The following EIF2AK4 variants were observed in gnomAD, a reference collection of about 807,000 sequenced individuals.
EIF2AK4 encodes eukaryotic translation initiation factor 2 alpha kinase 4, also known as eIF-2-alpha kinase GCN2.
A neutral mutation model predicts 211.1 loss-of-function variants in EIF2AK4; 139 were observed. That is an observed-to-expected ratio of 0.66 (90% CI 0.57 to 0.76). The LOEUF is 0.76. Ranked by LOEUF, EIF2AK4 falls within the 30% of genes least tolerant of loss-of-function variation. EIF2AK4 has a pLI of 0.00. For missense variants in EIF2AK4, 1,664 were observed against 2,043.8 expected (o/e 0.81, Z 3.58); for synonymous variants, 710 against 751.3 (o/e 0.94, Z 0.90).
chr15:40,025,633 A>G (rs540430136), intron 32 of EIF2AK4, among the ~76,000 whole-genome samples: 2 of 152,222 alleles, frequency 1.3e-5, no homozygotes, highest in Non-Finnish European at 2.9e-5. Flanking sequence ...ATGAGAGCCC[A>G]TTCATCTTGG....
At chr15:39,941,214 G>C (rs1379217715) in intron 2 of EIF2AK4, among the ~76,000 whole-genome samples, 1 of 151,998 alleles carries the variant, frequency 6.6e-6, no homozygotes, top group African/African-American at 2.4e-5. Flanking sequence ...ACTGGTGATT[G>C]AACTTGATCT....
In EIF2AK4 at chr15:40,017,218, A is replaced by G; in HGVS notation, c.4041A>G (p.Ala1347=). The change falls in exon 29 of 39, where the codon GCA becomes GCG. Residue 1347 remains alanine, a synonymous_variant. Transcript: ENST00000263791. ...AAAGGGCTGTACCTGAAATCCTCGC[A>G]GCTGGAGGCAGATATGACCTGCTGG... The part of the protein sequence containing the change: ...RRQRAVPEIL[A]AGGRYDLLIP... 6.2e-7 allele frequency: 1 copy of G among 1,613,724 alleles called. No individual in the cohort carries two copies. Among genetic ancestry groups the G allele is most frequent in the Non-Finnish European group, 8.5e-7 (1 of 1,179,706 alleles).
intron 35 of EIF2AK4, among the ~76,000 whole-genome samples, chr15:40,031,613 T>G (rs1221929016): frequency 6.6e-6 from 1 of 152,224 alleles, no homozygotes; most frequent in Non-Finnish European, 1.5e-5. Context: ...TTCAAAATTA[T>G]GAAGAGATAA....
rs927325042 is a variant in EIF2AK4 at position 40,017,094 on chromosome 15, A to G, written c.3931-14A>G. 3 of 1,601,974 alleles carry G rather than the reference A, an allele frequency of 1.9e-6. No individual in the cohort carries two copies. Among genetic ancestry groups the G allele is most frequent in the Admixed American group, 1.7e-5 (1 of 59,746 alleles). On this transcript the variant is annotated splice_polypyrimidine_tract_variant and intron_variant, in intron 28 of 38. Coordinates refer to ENST00000263791, the MANE Select transcript of EIF2AK4 (RefSeq NM_001013703.4). ...CAAACCCTTGACACATTTGTGTGGC[A>G]TCTCTCTTTATAGGTCTTGATCAAT...
rs979364095 is a variant in EIF2AK4 at position 39,946,773 on chromosome 15, A to G, written c.361-2343A>G. 9.3e-6 allele frequency: 6 copies of G among 648,614 alleles called. No homozygotes were observed. The African/African-American group carries it at 1.1e-4, about 12-fold the overall frequency. 40.2% of individuals were successfully genotyped at this position (648,614 alleles called of 1,614,324 possible). ...ACCACCCCAGCCTTCACCAGCCACCACCTTGATCAGTCAGCAGCCATCATC... is the reference window on the plus strand; with the variant it reads ...ACCACCCCAGCCTTCACCAGCCACCGCCTTGATCAGTCAGCAGCCATCATC... On this transcript the variant is annotated intron_variant, in intron 3 of 38. Transcript: ENST00000263791.
In EIF2AK4 at chr15:39,967,561, G is replaced by A; in HGVS notation, c.1235G>A (p.Gly412Asp). Reference protein sequence around the residue: ...LRRYTAQLLSGLDYLHSNSVV... With the variant: ...LRRYTAQLLSDLDYLHSNSVV... ...AGGTACACAGCTCAGCTCCTGTCAG[G>A]CCTTGATTATCTGCACAGCAATTCT... Residue 412 changes from glycine to aspartate, a missense_variant, in exon 9 of 39, where the codon GGC becomes GAC. Transcript: ENST00000263791. 1 of 1,613,770 alleles carries A rather than the reference G, an allele frequency of 6.2e-7. No individual in the cohort carries two copies. The highest frequency in any genetic ancestry group is 8.5e-7 in the Non-Finnish European group (1 of 1,179,850).
intron 32 of EIF2AK4, among the ~76,000 whole-genome samples, chr15:40,024,932 G>A (rs557661308): frequency 2.0e-5 from 3 of 151,988 alleles, no homozygotes; most frequent in Non-Finnish European, 4.4e-5. Context: ...TCTACTAAAT[G>A]CCAAATGCCA....
intron 33 of EIF2AK4, chr15:40,029,153 C>T (rs1274748899): frequency 4.2e-6 from 1 of 237,782 alleles, no homozygotes; most frequent in Non-Finnish European, 6.8e-6. Context: ...GATTTCACGC[C>T]CAGCTGAATA....
At chr15:40,028,449 G>A (rs571339488) in intron 33 of EIF2AK4, among the ~76,000 whole-genome samples, 1 of 152,296 alleles carries the variant, frequency 6.6e-6, no homozygotes. Flanking sequence ...AATGTATGGA[G>A]ACATTTTTGG....
chr15:40,033,651 A>G (rs2035573079), intron 37 of EIF2AK4, among the ~76,000 whole-genome samples: 1 of 152,238 alleles, frequency 6.6e-6, no homozygotes, highest in Non-Finnish European at 1.5e-5. Context: ...AAATAAGCAT[A>G]TACCACTATC....
rs141158473 is a variant in EIF2AK4 at position 40,018,313 on chromosome 15, T to A, written c.4066-780T>A. Among the ~76,000 whole-genome samples, 437 of 152,336 alleles carry A rather than the reference T, an allele frequency of 2.9e-3. 6 individuals are homozygous for A. Among genetic ancestry groups the A allele is most frequent in the African/African-American group, 9.8e-3 (406 of 41,564 alleles). ...AAGATTATTTTCTTTGTCTTTAGTT[T>A]CAAATTAAATCATGATGTGTCTTGG... On this transcript the variant is annotated intron_variant, in intron 29 of 38. Transcript: ENST00000263791.
Position 39,990,355 on chromosome 15 carries a change from C to T in EIF2AK4, c.2609C>T (p.Ala870Val), listed in dbSNP as rs1217833277. ...DHVKIGDFGL[A>V]TDHLAFSADS... ...GTGAAAATAGGTGATTTTGGTTTGG[C>T]GACAGACCATCTAGCCTTTTCTGTA... The change falls in exon 16 of 39, where the codon GCG becomes GTG. Residue 870 changes from alanine (A) to valine (V), a missense_variant. Around this residue, in one of 7 missense-constraint regions of EIF2AK4, gnomAD observed 622 missense variants for 796.8 expected, o/e 0.78. Coordinates refer to ENST00000263791, the MANE Select transcript of EIF2AK4 (RefSeq NM_001013703.4). 6.8e-6 allele frequency: 11 copies of T among 1,613,942 alleles called. No individual in the cohort carries two copies. The highest frequency in any genetic ancestry group is 2.2e-5 in the South Asian group (2 of 91,074).
intron 26 of EIF2AK4, among the ~76,000 whole-genome samples, chr15:40,010,061 A>G (rs949795029): frequency 6.6e-6 from 1 of 152,224 alleles, no homozygotes; most frequent in Non-Finnish European, 1.5e-5. Flanking sequence ...TATTAAGGCA[A>G]ATCACTAAGT....
chr15:39,945,129 A>G (rs2034209389), intron 3 of EIF2AK4, among the ~76,000 whole-genome samples: 1 of 151,744 alleles, frequency 6.6e-6, no homozygotes, highest in Non-Finnish European at 1.5e-5. Flanking sequence ...TGGATTTTTG[A>G]TTTGTGATTT....
intron 20 of EIF2AK4, 94 bp from the exon 21 acceptor site, chr15:40,000,894 T>C: frequency 7.9e-7 from 1 of 1,268,894 alleles, no homozygotes; most frequent in South Asian, 1.3e-5. Context: ...AGTGGCACCT[T>C]TTCTTTGACC....
At chr15:40,022,369 C>A (rs1009636718) in intron 31 of EIF2AK4, 150 bp from the exon 32 acceptor site, 4 of 630,318 alleles carry the variant, frequency 6.3e-6, no homozygotes, top group Non-Finnish European at 1.1e-5. Flanking sequence ...TATGCGGCTT[C>A]TTGCTTAATA....
intron 21 of EIF2AK4, among the ~76,000 whole-genome samples, chr15:40,001,919 A>G (rs887770203): frequency 1.3e-5 from 2 of 152,200 alleles, no homozygotes; most frequent in Non-Finnish European, 2.9e-5. Context: ...GGAAGACTTT[A>G]ACATTTAATT....
chr15:39,999,555 T>C (rs974313518), intron 20 of EIF2AK4, among the ~76,000 whole-genome samples: 3 of 152,226 alleles, frequency 2.0e-5, no homozygotes, highest in Admixed American at 6.5e-5. Context: ...GCTGGTTATG[T>C]ATCTGAATGG....
intron 3 of EIF2AK4, among the ~76,000 whole-genome samples, chr15:39,948,648 A>G (rs1037592353): frequency 6.6e-6 from 1 of 152,210 alleles, no homozygotes; most frequent in Admixed American, 6.5e-5. Flanking sequence ...TGTACTCCCA[A>G]CAATATTTTC....
Sources: gnomAD v4.1 joint callset for allele counts (sites outside exome capture counted in the v4.1 genomes callset) on GRCh38, gnomAD v4.1.1 for gene constraint, gnomAD v4.1.1 regional missense constraint, MANE v1.5 for transcripts, NCBI Gene and HGNC (gene_info 2026-07-23, HGNC 2026-07-21) for gene names.